EPB41L5: variants seen among roughly 807,000 people sequenced by gnomAD.
EPB41L5 encodes the protein erythrocyte membrane protein band 4.1 like 5.
In EPB41L5, 55 loss-of-function variants were observed where a neutral mutation model predicts 106.6. The ratio of observed to expected loss-of-function variants is 0.52; its 90% CI spans 0.42 to 0.65. The LOEUF is 0.65. Ranked by LOEUF, EPB41L5 falls within the 30% of genes least tolerant of loss-of-function variation. The pLI, the probability that EPB41L5 is intolerant of heterozygous loss-of-function variation, is 0.00. For missense variants in EPB41L5, 871 were observed against 882.1 expected, an observed-to-expected ratio of 0.99 and a Z score of 0.16; for synonymous variants, 297 against 306.7, an observed-to-expected ratio of 0.97 and a Z score of 0.33.
Position 120,093,130 on chromosome 2 carries a change from A to C in EPB41L5, c.1151-119A>C. 6.9e-6 allele frequency: 6 copies of C among 865,664 alleles called. No homozygotes were observed. The South Asian group carries it at 8.5e-5, about 12-fold the overall frequency. 53.6% of individuals were successfully genotyped at this position (865,664 alleles called of 1,614,324 possible). A position where few individuals can be genotyped will look rare whatever the true frequency, so the allele number is the denominator to read the frequency against. On this transcript the variant is annotated intron_variant, in intron 13 of 24. Coordinates refer to ENST00000263713, the MANE Select transcript of EPB41L5 (RefSeq NM_020909.4). ...ATGAAAGACCCTTTCTCAAAGAAAT[A>C]AATTTATGGTTGTGAAACATGGCTT...
At chr2:120,070,932 C>T (rs1467896343) in intron 3 of EPB41L5, among the ~76,000 whole-genome samples, 1 of 152,162 alleles carries the variant, frequency 6.6e-6, no homozygotes, top group Non-Finnish European at 1.5e-5. Flanking sequence ...TGGCACAAAA[C>T]AAGGATGCCG....
At position 120,039,616 on chromosome 2, in the gene EPB41L5, G is replaced by A. The variant is rs1006678749; in HGVS notation, c.181-2390G>A. Reference sequence around the variant, plus strand: ...CAAGTTGGGCGGATCACCTGAGGTCGGGAGTTCGAGACCAGCCTGACCAAC... The same window carrying A: ...CAAGTTGGGCGGATCACCTGAGGTCAGGAGTTCGAGACCAGCCTGACCAAC... On this transcript the variant is annotated intron_variant, in intron 2 of 24. Transcript: ENST00000263713. Among the ~76,000 whole-genome samples the A allele has an allele frequency of 4.6e-5, 7 of 151,766 alleles. No individual in the cohort carries two copies. The East Asian group carries it at 7.7e-4, about 17-fold the overall frequency.
intron 3 of EPB41L5, among the ~76,000 whole-genome samples, chr2:120,049,000 A>G (rs1426197159): frequency 2.0e-5 from 3 of 152,156 alleles, no homozygotes; most frequent in Admixed American, 6.5e-5. Flanking sequence ...CCTGAGTTCT[A>G]GTTTGATTGC....
At chr2:120,165,907 G>T (rs1330639532) in intron 22 of EPB41L5, among the ~76,000 whole-genome samples, 1 of 142,692 alleles carries the variant, frequency 7.0e-6, no homozygotes, top group African/African-American at 2.6e-5. Context: ...GATGGAGCGT[G>T]CAGTGAGCCG....
At chr2:120,140,328 A>G (rs766645494) in intron 18 of EPB41L5, among the ~76,000 whole-genome samples, 5 of 152,136 alleles carry the variant, frequency 3.3e-5, no homozygotes, top group Non-Finnish European at 7.4e-5. Flanking sequence ...AGAAATGATA[A>G]ATGTTTGAGG....
At chr2:120,070,966 T>C (rs1681823890) in intron 3 of EPB41L5, among the ~76,000 whole-genome samples, 1 of 152,142 alleles carries the variant, frequency 6.6e-6, no homozygotes, top group Non-Finnish European at 1.5e-5. Flanking sequence ...CTATTCAGCA[T>C]AGTATTGGAA....
At chr2:120,118,697 A>G (rs1257269581) in intron 16 of EPB41L5, among the ~76,000 whole-genome samples, 2 of 152,246 alleles carry the variant, frequency 1.3e-5, no homozygotes, top group Admixed American at 6.5e-5. Context: ...ATGACTGCGT[A>G]GTATTCCATG....
chr2:120,116,854 C>T (rs573894315), intron 16 of EPB41L5, among the ~76,000 whole-genome samples: 25 of 151,874 alleles, frequency 1.6e-4, no homozygotes, highest in Non-Finnish European at 2.5e-4. Flanking sequence ...TATGCTACTA[C>T]TGAAAAAAAG....
chr2:120,028,586 A>G (rs1271600687), intron 2 of EPB41L5, among the ~76,000 whole-genome samples: 1 of 152,128 alleles, frequency 6.6e-6, no homozygotes, highest in Admixed American at 6.5e-5. Flanking sequence ...TTTGTTACAG[A>G]AGAAAAAATC....
chr2:120,111,069 C>T (rs1164813471), intron 16 of EPB41L5, among the ~76,000 whole-genome samples: 1 of 152,146 alleles, frequency 6.6e-6, no homozygotes, highest in Non-Finnish European at 1.5e-5. Flanking sequence ...GGACCTTACT[C>T]AGGTTTCACT....
chr2:120,105,801 T>G, intron 16 of EPB41L5: 2 of 985,360 alleles, frequency 2.0e-6, no homozygotes, highest in Non-Finnish European at 2.4e-6. Flanking sequence ...TTGCTAAGTA[T>G]TGTCATGGCT....
At chr2:120,113,671 A>G (rs1684824615) in intron 16 of EPB41L5, among the ~76,000 whole-genome samples, 1 of 152,198 alleles carries the variant, frequency 6.6e-6, no homozygotes, top group Non-Finnish European at 1.5e-5. Flanking sequence ...ACTATCAATT[A>G]TTCCTTCCTA....
chr2:120,018,604 A>AT (rs888299172), intron 1 of EPB41L5, among the ~76,000 whole-genome samples: 105 of 149,566 alleles, frequency 7.0e-4, no homozygotes, highest in Middle Eastern at 7.0e-3. Flanking sequence ...AGTTTTAATG[A>AT]TTTTTTTTTT....
intron 16 of EPB41L5, chr2:120,106,918 T>C (rs1684487018): frequency 7.3e-6 from 7 of 957,920 alleles, no homozygotes; most frequent in Non-Finnish European, 8.7e-6. Context: ...TTTGTCCTAC[T>C]ATGTGTATAA....
intron 4 of EPB41L5, 23 bp from the exon 5 acceptor site, chr2:120,074,077 C>CT: frequency 6.6e-7 from 1 of 1,505,504 alleles, no homozygotes; most frequent in Non-Finnish European, 9.1e-7. Flanking sequence ...TTTATTAAAA[C>CT]CTTTTTTTTT....
intron 16 of EPB41L5, chr2:120,106,644 AACTT>A: frequency 1.0e-6 from 1 of 984,410 alleles, no homozygotes; most frequent in Non-Finnish European, 1.2e-6. Flanking sequence ...AATTTTATTT[AACTT>A]AATTAATTTA....
chr2:120,084,320 G>C (rs1207320376), intron 10 of EPB41L5, among the ~76,000 whole-genome samples: 1 of 152,044 alleles, frequency 6.6e-6, no homozygotes, highest in African/African-American at 2.4e-5. Context: ...GGCATGCCTC[G>C]TGGTGACAAA....
At chr2:120,150,735 C>T (rs1030033156) in intron 20 of EPB41L5, among the ~76,000 whole-genome samples, 2 of 152,110 alleles carry the variant, frequency 1.3e-5, no homozygotes, top group South Asian at 4.2e-4. Flanking sequence ...TTGTAGGAGT[C>T]CTTGATTGAA....
intron 3 of EPB41L5, among the ~76,000 whole-genome samples, chr2:120,045,730 C>T (rs147875723): frequency 2.2e-3 from 331 of 152,072 alleles, no homozygotes; most frequent in African/African-American, 7.8e-3. Flanking sequence ...AGGTTTGTTA[C>T]GTATGTATAC....
Sources: gnomAD v4.1 joint callset for allele counts (sites outside exome capture counted in the v4.1 genomes callset) on GRCh38, gnomAD v4.1.1 for gene constraint, MANE v1.5 for transcripts, NCBI Gene and HGNC (gene_info 2026-07-23, HGNC 2026-07-21) for gene names.